The following MEIS1 variants were observed in gnomAD, a reference collection of about 807,000 sequenced individuals.
The protein encoded by MEIS1 is Meis homeobox 1, also known as homeobox protein Meis1.
Under a neutral mutation model 50.8 loss-of-function variants are expected in MEIS1, and 5 were observed. That is an observed-to-expected ratio of 0.10 (90% CI 0.05 to 0.21). The LOEUF (loss-of-function observed/expected upper bound fraction) is 0.21. Among genes scored for constraint, MEIS1 ranks in the 10% least tolerant of loss-of-function variants. MEIS1 has a pLI of 1.00. For synonymous variants in MEIS1, 176 were observed against 179.3 expected (o/e 0.98, Z 0.15); for missense variants, 318 against 517.3 (o/e 0.61, Z 3.74).
At chr2:66,477,758 A>T (rs1049069826) in intron 7 of MEIS1, among the ~76,000 whole-genome samples, 1 of 152,176 alleles carries the variant, frequency 6.6e-6, no homozygotes, top group Non-Finnish European at 1.5e-5. Flanking sequence ...GTTTTGCCTC[A>T]TGGGCCTTCA....
At chr2:66,436,877 T>TG in intron 1 of MEIS1, 1 of 983,928 alleles carries the variant, frequency 1.0e-6, no homozygotes, top group Non-Finnish European at 1.2e-6. Context: ...AAGTAGTTTT[T>TG]TTTTTTTTTT....
At chr2:66,447,090 G>A (rs1403425422) in intron 6 of MEIS1, among the ~76,000 whole-genome samples, 1 of 152,198 alleles carries the variant, frequency 6.6e-6, no homozygotes, top group Non-Finnish European at 1.5e-5. Flanking sequence ...GGGAGGGCAA[G>A]AAACAACCTA....
At chr2:66,557,898 T>C (rs988500623) in intron 9 of MEIS1, among the ~76,000 whole-genome samples, 3 of 152,142 alleles carry the variant, frequency 2.0e-5, no homozygotes, top group Non-Finnish European at 2.9e-5. Context: ...CCCACTCAGT[T>C]CTCATATTCT....
At chr2:66,458,941 A>G (rs1430800876) in intron 6 of MEIS1, among the ~76,000 whole-genome samples, 1 of 152,242 alleles carries the variant, frequency 6.6e-6, no homozygotes, top group Non-Finnish European at 1.5e-5. Context: ...TATAATATCA[A>G]CATTTTCCTA....
chr2:66,571,185 A>G (rs1675478131), intron 12 of MEIS1, 61 bp from the exon 13 acceptor site: 4 of 1,515,362 alleles, frequency 2.6e-6, no homozygotes, highest in Admixed American at 2.2e-5. Context: ...CATAGCCAGG[A>G]CCACACTATT....
chr2:66,496,335 G>A (rs1673402646), intron 7 of MEIS1: 2 of 152,156 alleles, frequency 1.3e-5, no homozygotes, highest in African/African-American at 4.8e-5. Context: ...GCCTCCTGCA[G>A]GGGAGACTTG....
chr2:66,523,581 C>T (rs899668361), intron 8 of MEIS1, among the ~76,000 whole-genome samples: 13 of 152,088 alleles, frequency 8.5e-5, no homozygotes, highest in Admixed American at 3.9e-4. Context: ...TTTGAGCTGA[C>T]GTGTATGTTG....
intron 7 of MEIS1, among the ~76,000 whole-genome samples, chr2:66,491,618 G>A (rs1673275207): frequency 6.6e-6 from 1 of 152,004 alleles, no homozygotes; most frequent in South Asian, 2.1e-4. Context: ...AAAACAAGTG[G>A]GTCTGTTTTG....
At chr2:66,470,113 C>T (rs1294965413) in intron 7 of MEIS1, among the ~76,000 whole-genome samples, 1 of 152,110 alleles carries the variant, frequency 6.6e-6, no homozygotes, top group Admixed American at 6.6e-5. Flanking sequence ...AAGCCTGTAC[C>T]TCTCCAGGGA....
rs563701528 is a variant in MEIS1 at position 66,565,672 on chromosome 2, G to A, written c.966-1781G>A. On this transcript the variant is annotated intron_variant, in intron 9 of 12. Transcript: ENST00000272369. The stretch of plus-strand genomic sequence containing the variant: ...AATGTCTCTTCCTATTTTTAGGTAA[G>A]TAGTATAAGTCACATCCATAAAAGA... Among the ~76,000 whole-genome samples, 25 of 152,254 alleles carry A rather than the reference G, an allele frequency of 1.6e-4. 1 individual carries two copies. The highest frequency in any genetic ancestry group is 7.7e-4 in the East Asian group (4 of 5,176).
At chr2:66,561,140 T>C (rs572005984) in intron 9 of MEIS1, among the ~76,000 whole-genome samples, 36 of 152,310 alleles carry the variant, frequency 2.4e-4, no homozygotes, top group African/African-American at 8.2e-4. Context: ...GAGTGATTTT[T>C]TTATTGTTGT....
chr2:66,525,999 A>G (rs1276863138), intron 8 of MEIS1, among the ~76,000 whole-genome samples: 1 of 152,202 alleles, frequency 6.6e-6, no homozygotes, highest in African/African-American at 2.4e-5. Context: ...TGTGCCTCAC[A>G]CTTCTTGCCT....
At chr2:66,446,128 C>G (rs1490597371) in intron 6 of MEIS1, among the ~76,000 whole-genome samples, 1 of 152,112 alleles carries the variant, frequency 6.6e-6, no homozygotes, top group Non-Finnish European at 1.5e-5. Context: ...GAGAGGGGGG[C>G]CATGATGCTA....
At chr2:66,511,778 C>T (rs1673835871) in intron 7 of MEIS1, among the ~76,000 whole-genome samples, 1 of 152,198 alleles carries the variant, frequency 6.6e-6, no homozygotes, top group South Asian at 2.1e-4. Flanking sequence ...GCCCAGGCAG[C>T]CATAGCGCCA....
In MEIS1 at chr2:66,451,676, G is replaced by C. The variant is rs149532625; in HGVS notation, c.630+8628G>C. Among the ~76,000 whole-genome samples, 572 of 152,054 alleles carry C rather than the reference G, an allele frequency of 3.8e-3. 2 individuals carry two copies. The highest frequency in any genetic ancestry group is 0.012 in the Admixed American group (181 of 15,258). On this transcript the variant is annotated intron_variant, in intron 6 of 12. Coordinates refer to ENST00000272369, the MANE Select transcript of MEIS1 (RefSeq NM_002398.3). The stretch of plus-strand genomic sequence containing the variant: ...TCTGGTATTCAGAGATTATTCCTTA[G>C]CAATTTGAAAACTTAATTTCAAACT...
Position 66,572,735 on chromosome 2 carries a change from A to G in MEIS1, c.*1527A>G, listed in dbSNP as rs539578242. The stretch of plus-strand genomic sequence containing the variant: ...GTGCAGTAATGAAATCTGAATCTAA[A>G]ATAAAAACAAGATTATTTTTGTCAT... On this transcript the variant is annotated 3_prime_UTR_variant, in exon 13 of 13. Coordinates refer to ENST00000272369, the MANE Select transcript of MEIS1 (RefSeq NM_002398.3). 3.3e-5 allele frequency: 5 copies of G among 152,320 alleles called. No individual in the cohort carries two copies. The highest frequency in any genetic ancestry group is 2.6e-4 in the Admixed American group (4 of 15,308). The allele number at this position is 152,320 out of a possible 1,614,324, so 9.4% of individuals were successfully genotyped here.
At chr2:66,456,685 A>T (rs1038547999) in intron 6 of MEIS1, among the ~76,000 whole-genome samples, 1 of 152,250 alleles carries the variant, frequency 6.6e-6, no homozygotes, top group Non-Finnish European at 1.5e-5. Context: ...TGGCAAAGGT[A>T]AGCGAGTGAG....
intron 8 of MEIS1, among the ~76,000 whole-genome samples, chr2:66,513,779 A>G (rs1673889304): frequency 6.6e-6 from 1 of 152,152 alleles, no homozygotes; most frequent in South Asian, 2.1e-4. Context: ...AATCTGATTC[A>G]GGCACCACTA....
At chr2:66,467,640 A>C (rs1295831363) in intron 7 of MEIS1, among the ~76,000 whole-genome samples, 1 of 152,110 alleles carries the variant, frequency 6.6e-6, no homozygotes, top group Non-Finnish European at 1.5e-5. Context: ...TTCTAAAGAG[A>C]ATGTACATAA....
Sources: gnomAD v4.1 joint callset for allele counts (sites outside exome capture counted in the v4.1 genomes callset) on GRCh38, gnomAD v4.1.1 for gene constraint, MANE v1.5 for transcripts, NCBI Gene and HGNC (gene_info 2026-07-23, HGNC 2026-07-21) for gene names.